Variants in CDH13 observed in about 807,000 individuals in gnomAD.
CDH13 encodes cadherin-13.
A neutral mutation model predicts 63.8 loss-of-function variants in CDH13; 24 were observed. That is an observed-to-expected ratio of 0.38 (90% CI 0.27 to 0.53). CDH13 has a LOEUF of 0.53. Among genes scored for constraint, CDH13 ranks in the 20% least tolerant of loss-of-function variants. The pLI is 0.85. For missense variants in CDH13, 1,049 were observed against 903.1 expected (o/e 1.16, Z -2.07); for synonymous variants, 503 against 355.3 (o/e 1.42, Z -4.67).
At chr16:82,714,374 G>A (rs184461109) in intron 1 of CDH13, among the ~76,000 whole-genome samples, 28 of 152,194 alleles carry the variant, frequency 1.8e-4, no homozygotes, top group African/African-American at 6.3e-4. Flanking sequence ...TAAAAATGAG[G>A]TCATTTTGGG....
chr16:83,449,463 A>G (rs1411594062), intron 6 of CDH13, among the ~76,000 whole-genome samples: 1 of 152,210 alleles, frequency 6.6e-6, no homozygotes, highest in Non-Finnish European at 1.5e-5. Context: ...GCAGAGCAGG[A>G]AGATGGTGAC....
chr16:82,739,677 C>T (rs1022774927), intron 1 of CDH13, among the ~76,000 whole-genome samples: 1 of 152,184 alleles, frequency 6.6e-6, no homozygotes, highest in Non-Finnish European at 1.5e-5. Context: ...GTTCAAACAA[C>T]ACCTTGTCTC....
intron 1 of CDH13, among the ~76,000 whole-genome samples, chr16:82,666,357 A>T (rs1348021534): frequency 1.3e-5 from 2 of 152,214 alleles, no homozygotes; most frequent in Non-Finnish European, 2.9e-5. Context: ...CTACTTTCAA[A>T]GGCAAGGTAC....
intron 1 of CDH13, among the ~76,000 whole-genome samples, chr16:82,732,384 A>G (rs536257508): frequency 1.3e-5 from 2 of 152,352 alleles, no homozygotes; most frequent in South Asian, 2.1e-4. Context: ...CAACTACAAC[A>G]TATTTGAATT....
chr16:83,207,845 A>G (rs945595295), intron 4 of CDH13, among the ~76,000 whole-genome samples: 7 of 152,146 alleles, frequency 4.6e-5, no homozygotes, highest in Admixed American at 2.0e-4. Context: ...AAAAAACCCA[A>G]CAATGAACAT....
At chr16:83,652,168 G>A (rs1598416979) in intron 8 of CDH13, among the ~76,000 whole-genome samples, 1 of 152,216 alleles carries the variant, frequency 6.6e-6, no homozygotes, top group Admixed American at 6.5e-5. Context: ...TTTGAAATGG[G>A]AATCAGTGGT....
In CDH13 at chr16:82,751,389, C is replaced by G. The variant is rs555604780; in HGVS notation, c.46-106973C>G. Among the ~76,000 whole-genome samples, 12 of 152,236 alleles carry G rather than the reference C, an allele frequency of 7.9e-5. No individual in the cohort carries two copies. In the East Asian group the frequency reaches 2.3e-3, roughly 30 times the overall value. ...GGGGCTTGGAGCCTCACTTCACAGA[C>G]AGCCCCACCTCCTCCTGCCTCCTCA... On this transcript the variant is annotated intron_variant, in intron 1 of 13. Transcript: ENST00000567109.
chr16:83,665,468 A>G lies in CDH13; in HGVS notation c.1102-5322A>G, dbSNP rs138394029. On this transcript the variant is annotated intron_variant, in intron 8 of 13. Coordinates refer to ENST00000567109, the MANE Select transcript of CDH13 (RefSeq NM_001257.5). ...AGACTATTGGGAAGAGCCTTCCAAT[A>G]AGCTGTATCTTTTATGTAAACATAG... Among the ~76,000 whole-genome samples, 510 of 152,326 alleles carry G rather than the reference A, an allele frequency of 3.3e-3. 7 individuals carry two copies. Among genetic ancestry groups the G allele is most frequent in the African/African-American group, 0.012 (491 of 41,576 alleles).
intron 2 of CDH13, among the ~76,000 whole-genome samples, chr16:83,012,896 A>C (rs1026891958): frequency 1.3e-5 from 2 of 152,224 alleles, no homozygotes; most frequent in Admixed American, 1.3e-4. Flanking sequence ...GTAATTTAAA[A>C]AATTAAAGGC....
intron 3 of CDH13, among the ~76,000 whole-genome samples, chr16:83,106,878 A>G (rs866484791): frequency 3.9e-5 from 6 of 152,218 alleles, no homozygotes; most frequent in African/African-American, 1.2e-4. Context: ...TCTCTGATGA[A>G]CCTATTCTAT....
At chr16:82,840,599 C>T (rs191835611) in intron 1 of CDH13, among the ~76,000 whole-genome samples, 21 of 148,030 alleles carry the variant, frequency 1.4e-4, no homozygotes, top group African/African-American at 4.9e-4. Context: ...GCAGGAGAAT[C>T]GCTTAAACTA....
intron 5 of CDH13, among the ~76,000 whole-genome samples, chr16:83,343,291 T>A (rs1410684140): frequency 6.6e-6 from 1 of 152,340 alleles, no homozygotes; most frequent in Non-Finnish European, 1.5e-5. Context: ...TTTGTGTATT[T>A]TTACTCAATA....
chr16:83,614,597 C>G (rs934956620), intron 8 of CDH13, among the ~76,000 whole-genome samples: 1 of 152,190 alleles, frequency 6.6e-6, no homozygotes, highest in African/African-American at 2.4e-5. Context: ...GGCTGCCTTA[C>G]CAGCTCTTCG....
intron 10 of CDH13, among the ~76,000 whole-genome samples, chr16:83,701,669 C>A (rs919594039): frequency 3.9e-5 from 6 of 152,186 alleles, no homozygotes; most frequent in African/African-American, 1.4e-4. Context: ...ACAACCCCTG[C>A]GCCCTTATCC....
At chr16:83,601,313 A>G (rs574248456) in intron 7 of CDH13, among the ~76,000 whole-genome samples, 4 of 152,282 alleles carry the variant, frequency 2.6e-5, no homozygotes, top group Admixed American at 2.0e-4. Flanking sequence ...TTATTTACCA[A>G]TGACTGCACT....
intron 5 of CDH13, among the ~76,000 whole-genome samples, chr16:83,278,178 T>C (rs1358101403): frequency 6.6e-6 from 1 of 152,176 alleles, no homozygotes; most frequent in African/African-American, 2.4e-5. Context: ...CAATTTTAAG[T>C]AGCGGGAACC....
chr16:83,627,916 T>C (rs983313956), intron 8 of CDH13, among the ~76,000 whole-genome samples: 1 of 152,198 alleles, frequency 6.6e-6, no homozygotes, highest in African/African-American at 2.4e-5. Flanking sequence ...ATTCAAGACT[T>C]TTCCAGGAAA....
intron 1 of CDH13, among the ~76,000 whole-genome samples, chr16:82,814,517 G>C (rs779752302): frequency 7.9e-5 from 12 of 152,222 alleles, no homozygotes; most frequent in South Asian, 6.2e-4. Flanking sequence ...AGGGGTTAAA[G>C]GGCTTCCAGG....
At chr16:83,376,068 T>C (rs996972420) in intron 6 of CDH13, among the ~76,000 whole-genome samples, 2 of 152,190 alleles carry the variant, frequency 1.3e-5, no homozygotes, top group African/African-American at 4.8e-5. Flanking sequence ...AGAATCTTTC[T>C]TACTTATTCC....
Sources: gnomAD v4.1 joint callset for allele counts (sites outside exome capture counted in the v4.1 genomes callset) on GRCh38, gnomAD v4.1.1 for gene constraint, MANE v1.5 for transcripts, NCBI Gene and HGNC (gene_info 2026-07-23, HGNC 2026-07-21) for gene names.